Variants in DNAH14 observed in about 807,000 individuals in gnomAD.
DNAH14 encodes the protein axonemal beta dynein heavy chain 14.
Under a neutral mutation model 520.9 loss-of-function variants are expected in DNAH14, and 478 were observed. The ratio of observed to expected loss-of-function variants is 0.92; its 90% CI spans 0.85 to 0.99. The LOEUF (loss-of-function observed/expected upper bound fraction) is 0.99. DNAH14 is among the 50% of genes least tolerant of loss of function. The probability of loss-of-function intolerance (pLI) is 0.00; values close to 1 mark genes in which losing one functional copy is unlikely to be tolerated. For missense variants in DNAH14, 4,831 were observed against 5,234.5 expected (o/e 0.92, Z 2.38); for synonymous variants, 1,581 against 1,757.2 (o/e 0.90, Z 2.51).
intron 10 of DNAH14, among the ~76,000 whole-genome samples, chr1:225,023,314 A>G (rs1308884235): frequency 6.6e-6 from 1 of 151,802 alleles, no homozygotes; most frequent in African/African-American, 2.4e-5. Flanking sequence ...TAATTTTCAT[A>G]TTGTTAAATT....
At chr1:225,334,932 T>A (rs1005432047) in intron 66 of DNAH14, among the ~76,000 whole-genome samples, 63 of 150,318 alleles carry the variant, frequency 4.2e-4, no homozygotes, top group Non-Finnish European at 8.9e-5. Flanking sequence ...ATAGCATATA[T>A]CTATACGATA....
At position 225,144,549 on chromosome 1, in the gene DNAH14, C is replaced by G. The variant is rs1262311277; in HGVS notation, c.4661C>G (p.Ala1554Gly). 4 of 1,551,322 alleles carry G rather than the reference C, an allele frequency of 2.6e-6. No homozygotes were observed. Among genetic ancestry groups the G allele is most frequent in the Middle Eastern group, 1.7e-4 (1 of 6,012 alleles). Residue 1554 changes from alanine to glycine, a missense_variant, in exon 29 of 86, where the codon GCA (alanine) becomes GGA (glycine). Coordinates refer to ENST00000682510, the MANE Select transcript of DNAH14 (RefSeq NM_001367479.1). ...TDRCWLTLME[A>G]LHLNLGGCPA... ...CGATGCTGGCTGACTCTCATGGAAG[C>G]ACTACACTTGAATCTAGGAGGCTGT...
chr1:225,274,194 G>GTTTTTTTTTTTTTTTTTTTTTTTT (rs1193834939), intron 52 of DNAH14, among the ~76,000 whole-genome samples: 3 of 120,310 alleles, frequency 2.5e-5, no homozygotes, highest in African/African-American at 6.8e-5. Flanking sequence ...ACCAGCATCT[G>GTTTTTTTTTTTTTTTTTTTTTTTT]TTATTTTTTT....
At chr1:225,107,763 T>C (rs1230735377) in intron 23 of DNAH14, among the ~76,000 whole-genome samples, 7 of 152,166 alleles carry the variant, frequency 4.6e-5, no homozygotes, top group Admixed American at 4.6e-4. Flanking sequence ...CCACAAACAG[T>C]GTACAAGGGT....
chr1:225,088,454 A>G (rs752218656), intron 21 of DNAH14, among the ~76,000 whole-genome samples: 3 of 152,198 alleles, frequency 2.0e-5, no homozygotes, highest in Non-Finnish European at 2.9e-5. Flanking sequence ...AAAATATAAC[A>G]TTGGAAATGA....
At chr1:225,263,231 CAT>C in intron 46 of DNAH14, among the ~76,000 whole-genome samples, 1 of 150,498 alleles carries the variant, frequency 6.6e-6, no homozygotes, top group South Asian at 2.1e-4. Context: ...TGTATATATA[CAT>C]ATATATACAC....
At chr1:225,101,028 A>G (rs1002838963) in intron 23 of DNAH14, 144 bp downstream of exon 23, 14 of 568,420 alleles carry the variant, frequency 2.5e-5, no homozygotes, top group Non-Finnish European at 3.8e-5. Context: ...CTCACTACCT[A>G]TAGAGTTAAT....
intron 77 of DNAH14, among the ~76,000 whole-genome samples, chr1:225,374,463 G>T (rs1457206230): frequency 1.3e-5 from 2 of 151,266 alleles, no homozygotes; most frequent in Admixed American, 6.6e-5. Flanking sequence ...GTTTCACCAT[G>T]TTGGTCAGGC....
intron 11 of DNAH14, among the ~76,000 whole-genome samples, chr1:225,035,464 T>C (rs1572609894): frequency 6.6e-6 from 1 of 152,048 alleles, no homozygotes; most frequent in East Asian, 1.9e-4. Context: ...GCTTTTCTCA[T>C]TCTTTAAGAT....
rs1193834939 is a variant in DNAH14, at chr1:225,274,194, G to GTTTTTTTTTTTTTTTTTTTT, written c.8010+1071_8010+1072insTTTTTTTTTTTTTTTTTTTT. Among the ~76,000 whole-genome samples the GTTTTTTTTTTTTTTTTTTTT allele has an allele frequency of 3.8e-4, 46 of 120,314 alleles. 11 individuals carry two copies. The highest frequency in any genetic ancestry group is 9.2e-4 in the African/African-American group (27 of 29,434). 78.9% of individuals were successfully genotyped at this position (120,314 alleles called of 152,430 possible). A position where few individuals can be genotyped will look rare whatever the true frequency, so the allele number is the denominator to read the frequency against. Reference sequence around the variant, plus strand: ...TTTCTCTGCATCCTCACCAGCATCTGTTATTTTTTTTTTTTTTTTTTTTTT... The same window carrying GTTTTTTTTTTTTTTTTTTTT: ...TTTCTCTGCATCCTCACCAGCATCTGTTTTTTTTTTTTTTTTTTTTTTATTTTTTTTTTTTTTTTTTTTTT... On this transcript the variant is annotated intron_variant, in intron 52 of 85. Coordinates refer to ENST00000682510, the MANE Select transcript of DNAH14 (RefSeq NM_001367479.1).
chr1:225,377,951 C>T (rs558891997), intron 79 of DNAH14, among the ~76,000 whole-genome samples: 1 of 151,966 alleles, frequency 6.6e-6, no homozygotes, highest in Non-Finnish European at 1.5e-5. Context: ...ATCTAATAAT[C>T]AAATAAATAT....
chr1:225,374,033 G>A (rs1364184605), intron 77 of DNAH14, among the ~76,000 whole-genome samples: 3 of 148,554 alleles, frequency 2.0e-5, no homozygotes, highest in East Asian at 2.0e-4. Flanking sequence ...CGCCTTAGCT[G>A]GAGAGGTCAA....
At chr1:225,087,796 A>T (rs2073975581) in intron 21 of DNAH14, among the ~76,000 whole-genome samples, 1 of 152,232 alleles carries the variant, frequency 6.6e-6, no homozygotes, top group Non-Finnish European at 1.5e-5. Flanking sequence ...GCCCCTACAC[A>T]AGCATTCAGC....
chr1:224,945,459 T>C (rs531742738), intron 1 of DNAH14, among the ~76,000 whole-genome samples: 1 of 152,180 alleles, frequency 6.6e-6, no homozygotes, highest in Admixed American at 6.5e-5. Context: ...TAGCTCAGAG[T>C]AGTTTGATCA....
Position 225,074,328 on chromosome 1 carries a change from G to A in DNAH14, c.2425-4879G>A, listed in dbSNP as rs567941968. Among the ~76,000 whole-genome samples, 116 of 152,314 alleles carry A rather than the reference G, an allele frequency of 7.6e-4. No homozygotes were observed. The Middle Eastern group carries it at 0.01, about 13-fold the overall frequency. Reference sequence around the variant, plus strand: ...TTAGGAAGTTTTTAAACCTCTGTCCGCTGGAGAACACTGGTGGGATTGGCT... The same window carrying A: ...TTAGGAAGTTTTTAAACCTCTGTCCACTGGAGAACACTGGTGGGATTGGCT... On this transcript the variant is annotated intron_variant, in intron 17 of 85. Transcript: ENST00000682510.
At chr1:225,192,583 C>A (rs1408115341) in intron 37 of DNAH14, 113 bp from the exon 38 acceptor site, 6 of 652,234 alleles carry the variant, frequency 9.2e-6, no homozygotes, top group Non-Finnish European at 1.2e-5. Context: ...TATATAAAAT[C>A]TTTTTTTGGT....
At chr1:225,161,194 A>G (rs2081487278) in intron 35 of DNAH14, among the ~76,000 whole-genome samples, 1 of 152,052 alleles carries the variant, frequency 6.6e-6, no homozygotes, top group African/African-American at 2.4e-5. Context: ...GCCTCTGGTA[A>G]CCGTCCTTCT....
chr1:225,155,496 A>AT (rs2080939648), intron 34 of DNAH14, among the ~76,000 whole-genome samples: 1 of 152,136 alleles, frequency 6.6e-6, no homozygotes, highest in Admixed American at 6.5e-5. Flanking sequence ...ATGTTTTATG[A>AT]TTTTTTAACA....
In DNAH14 at chr1:225,179,629, A is replaced by G. The variant is rs563294792; in HGVS notation, c.5536-5662A>G. Among the ~76,000 whole-genome samples, 10 of 152,334 alleles carry G rather than the reference A, an allele frequency of 6.6e-5. No homozygotes were observed. In the East Asian group the frequency reaches 1.9e-3, roughly 29 times the overall value. On this transcript the variant is annotated intron_variant, in intron 36 of 85. Transcript: ENST00000682510. ...TTTTCTCTTTTAGTCTTCATGTTAAAGATATGAGTATTTTACACACCACAA... is the reference window on the plus strand; with the variant it reads ...TTTTCTCTTTTAGTCTTCATGTTAAGGATATGAGTATTTTACACACCACAA...
Sources: allele counts gnomAD v4.1 joint callset (sites outside exome capture counted in the v4.1 genomes callset), GRCh38; gene constraint gnomAD v4.1.1; transcripts MANE v1.5; gene names NCBI Gene and HGNC (gene_info 2026-07-23, HGNC 2026-07-21).